Variants in GPR149 observed in about 807,000 individuals in gnomAD.
GPR149 encodes probable G protein-coupled receptor 149.
Under a neutral mutation model 50.2 loss-of-function variants are expected in GPR149, and 50 were observed. That is an observed-to-expected ratio of 1.00 (90% CI 0.79 to 1.26). The LOEUF (loss-of-function observed/expected upper bound fraction) is 1.26, where lower values mean the gene tolerates loss of function less well. Among genes scored for constraint, GPR149 ranks in the 50% most tolerant of loss-of-function variants. The pLI, the probability that GPR149 is intolerant of heterozygous loss-of-function variation, is 0.00. For missense variants in GPR149, 983 were observed against 895.4 expected (o/e 1.10, Z -1.25); for synonymous variants, 405 against 358.2 (o/e 1.13, Z -1.48).
intron 3 of GPR149, among the ~76,000 whole-genome samples, chr3:154,404,873 T>TCAGCAGCAG (rs113209792): frequency 6.6e-5 from 10 of 151,192 alleles, no homozygotes; most frequent in Middle Eastern, 3.4e-3. Context: ...ATCATCATCA[T>TCAGCAGCAG]CAGCAGCAGC....
intron 3 of GPR149, among the ~76,000 whole-genome samples, chr3:154,391,185 G>A (rs952942367): frequency 1.3e-5 from 2 of 151,594 alleles, no homozygotes; most frequent in Admixed American, 6.6e-5. Flanking sequence ...AATGGTAGTG[G>A]GTAAACTTTT....
At chr3:154,409,018 G>A (rs552428625) in intron 3 of GPR149, among the ~76,000 whole-genome samples, 4 of 152,298 alleles carry the variant, frequency 2.6e-5, no homozygotes, top group South Asian at 4.1e-4. Context: ...GCTGGTATCC[G>A]TGTCTGCAAG....
intron 3 of GPR149, among the ~76,000 whole-genome samples, chr3:154,341,292 CATAT>C (rs373212063): frequency 0.019 from 1,388 of 72,252 alleles, 13 homozygotes; most frequent in African/African-American, 0.02. Context: ...AAAAATAAGA[CATAT>C]ATATATATAT....
intron 3 of GPR149, among the ~76,000 whole-genome samples, chr3:154,345,913 AG>A (rs1312301318): frequency 6.6e-6 from 1 of 152,196 alleles, no homozygotes; most frequent in Non-Finnish European, 1.5e-5. Context: ...ACACTTGCCC[AG>A]GGTCACATAG....
At chr3:154,365,843 C>T (rs1311927808) in intron 3 of GPR149, among the ~76,000 whole-genome samples, 3 of 152,310 alleles carry the variant, frequency 2.0e-5, no homozygotes, top group South Asian at 2.1e-4. Context: ...TTTCTACCCA[C>T]AGTCTGTTCA....
intron 3 of GPR149, among the ~76,000 whole-genome samples, chr3:154,388,015 G>C (rs557791735): frequency 9.2e-5 from 14 of 152,190 alleles, no homozygotes; most frequent in African/African-American, 3.4e-4. Flanking sequence ...TCAATGTGCA[G>C]AGATATTTAA....
At chr3:154,353,705 G>C in intron 3 of GPR149, 1 of 1,184,114 alleles carries the variant, frequency 8.4e-7, no homozygotes, top group South Asian at 1.3e-5. Flanking sequence ...CCTTTGTTGA[G>C]CAGCTTTTTA....
At chr3:154,361,642 T>G (rs1455396562) in intron 3 of GPR149, among the ~76,000 whole-genome samples, 3 of 152,208 alleles carry the variant, frequency 2.0e-5, no homozygotes, top group African/African-American at 2.4e-5. Context: ...GGGTGCTTTT[T>G]TTCTTTTCTC....
intron 3 of GPR149, among the ~76,000 whole-genome samples, chr3:154,394,726 C>T (rs943973909): frequency 1.3e-5 from 2 of 151,942 alleles, no homozygotes; most frequent in African/African-American, 4.8e-5. Flanking sequence ...GAAAAAGCAA[C>T]AATTAATAAC....
intron 3 of GPR149, among the ~76,000 whole-genome samples, chr3:154,363,534 C>T (rs1247803722): frequency 2.6e-5 from 4 of 151,932 alleles, no homozygotes; most frequent in African/African-American, 9.7e-5. Context: ...CAACCTTGAG[C>T]CCATTTATAA....
intron 3 of GPR149, among the ~76,000 whole-genome samples, chr3:154,351,313 C>CAAAAAAAAAAA (rs71155003): frequency 6.6e-5 from 5 of 75,526 alleles, no homozygotes; most frequent in Non-Finnish European, 9.5e-5. Context: ...CATCCACATA[C>CAAAAAAAAAAA]AAAAAAAAAA....
chr3:154,404,771 G>C (rs1442306867), intron 3 of GPR149, among the ~76,000 whole-genome samples: 1 of 152,168 alleles, frequency 6.6e-6, no homozygotes, highest in Non-Finnish European at 1.5e-5. Context: ...ACCACACAGA[G>C]TTTTTGTGAA....
chr3:154,426,013 C>T (rs9289948), intron 2 of GPR149, among the ~76,000 whole-genome samples: 3 of 151,786 alleles, frequency 2.0e-5, no homozygotes, highest in Non-Finnish European at 4.4e-5. Context: ...AGACCGGGCT[C>T]GTTCACTAGT....
At chr3:154,390,268 A>G (rs1008590051) in intron 3 of GPR149, among the ~76,000 whole-genome samples, 3 of 152,180 alleles carry the variant, frequency 2.0e-5, no homozygotes, top group Non-Finnish European at 2.9e-5. Flanking sequence ...TGAAACAGAG[A>G]TATGATTTAC....
chr3:154,408,384 T>C (rs571735978), intron 3 of GPR149, among the ~76,000 whole-genome samples: 5 of 152,154 alleles, frequency 3.3e-5, no homozygotes, highest in Non-Finnish European at 5.9e-5. Context: ...CAAAAACCTG[T>C]GAGTCAGCTT....
rs527269382 is a variant in GPR149, at chr3:154,406,967, G to A, written c.1623+14072C>T. Among the ~76,000 whole-genome samples, 26 of 152,294 alleles carry A rather than the reference G, an allele frequency of 1.7e-4. No individual in the cohort carries two copies. In the East Asian group the frequency reaches 2.7e-3, roughly 16 times the overall value. ...TCACAATCATGACAGACAGGAAAAGGGATGTCTTAGATCGTGGCAGGCAAG... is the reference window on the plus strand; with the variant it reads ...TCACAATCATGACAGACAGGAAAAGAGATGTCTTAGATCGTGGCAGGCAAG... On this transcript the variant is annotated intron_variant, in intron 3 of 3. Coordinates refer to ENST00000389740, the MANE Select transcript of GPR149 (RefSeq NM_001038705.3).
chr3:154,351,311 T>TGCAAAAA (rs1341107044), intron 3 of GPR149, among the ~76,000 whole-genome samples: 220 of 19,666 alleles, frequency 0.011, 42 homozygotes, highest in Admixed American at 0.02. Flanking sequence ...GACATCCACA[T>TGCAAAAA]ACAAAAAAAA....
At position 154,421,445 on chromosome 3, in the gene GPR149, C is replaced by A. The variant is rs1712142724; in HGVS notation, c.1217G>T (p.Ser406Ile). The A allele has an allele frequency of 2.5e-6, 4 of 1,596,728 alleles. No individual in the cohort carries two copies. The highest frequency in any genetic ancestry group is 3.4e-6 in the Non-Finnish European group (4 of 1,172,590). ...ATGTGCTATTTTATAAATCCCATAACTTTTTTGGAATGATAGATTGAATTC... is the reference window on the plus strand; with the variant it reads ...ATGTGCTATTTTATAAATCCCATAAATTTTTTGGAATGATAGATTGAATTC... ...GFEFNLSFQK[S>I]YGIYKIAHED... is the part of the protein sequence containing the mutation. The change falls in exon 3 of 4, where the codon AGT becomes ATT. Residue 406 changes from serine to isoleucine, a missense_variant. By Grantham distance (142) the Ser-to-Ile change is moderately radical (BLOSUM62 -2). Coordinates refer to ENST00000389740, the MANE Select transcript of GPR149 (RefSeq NM_001038705.3).
chr3:154,406,767 G>C (rs1711707120), intron 3 of GPR149, among the ~76,000 whole-genome samples: 1 of 152,134 alleles, frequency 6.6e-6, no homozygotes, highest in Admixed American at 6.5e-5. Context: ...AAGGTATGTA[G>C]GAACAAGGTG....
Sources: gnomAD v4.1 joint callset for allele counts (sites outside exome capture counted in the v4.1 genomes callset) on GRCh38, gnomAD v4.1.1 for gene constraint, MANE v1.5 for transcripts, NCBI Gene and HGNC (gene_info 2026-07-23, HGNC 2026-07-21) for gene names.